Variants in HIKESHI observed in about 807,000 individuals in gnomAD.
HIKESHI encodes the protein protein Hikeshi.
A neutral mutation model predicts 25.7 loss-of-function variants in HIKESHI; 13 were observed. The ratio of observed to expected loss-of-function variants is 0.51; its 90% CI spans 0.33 to 0.80. The LOEUF (loss-of-function observed/expected upper bound fraction) is 0.80. HIKESHI is among the 30% of genes least tolerant of loss of function. The probability of loss-of-function intolerance (pLI) is 0.02; values close to 1 mark genes in which losing one functional copy is unlikely to be tolerated. For synonymous variants in HIKESHI, 76 were observed against 78.7 expected (o/e 0.97, Z 0.18); for missense variants, 174 against 229.5 (o/e 0.76, Z 1.56).
At chr11:86,335,963 C>CTTTAA (rs1947547082) in intron 2 of HIKESHI, among the ~76,000 whole-genome samples, 1 of 152,156 alleles carries the variant, frequency 6.6e-6, no homozygotes, top group Admixed American at 6.5e-5. Context: ...CAGGCAAAGA[C>CTTTAA]TTTAAGTAAG....
At chr11:86,345,299 CT>C (rs1259196510) in intron 4 of HIKESHI, 1 of 343,606 alleles carries the variant, frequency 2.9e-6, no homozygotes, top group African/African-American at 2.2e-5. Context: ...GATTTTTTTC[CT>C]TAGGTCCCTT....
At chr11:86,319,242 A>ATATATATATTT (rs1383589741) in intron 2 of HIKESHI, among the ~76,000 whole-genome samples, 5 of 94,946 alleles carry the variant, frequency 5.3e-5, no homozygotes, top group East Asian at 3.5e-4. Context: ...ATATATATAT[A>ATATATATATTT]TTTTTTTTTT....
At chr11:86,326,646 G>A (rs1010680915) in intron 2 of HIKESHI, 3 of 427,348 alleles carry the variant, frequency 7.0e-6, no homozygotes, top group African/African-American at 4.1e-5. Context: ...CTCTATGGAA[G>A]ATTAGACTGG....
chr11:86,328,929 C>T (rs2513199), intron 2 of HIKESHI, among the ~76,000 whole-genome samples: 51 of 103,988 alleles, frequency 4.9e-4, no homozygotes, highest in East Asian at 2.1e-3. Flanking sequence ...TGTGTGTGTG[C>T]GCGCACACAC....
intron 2 of HIKESHI, among the ~76,000 whole-genome samples, chr11:86,312,254 T>A (rs554838867): frequency 1.3e-5 from 2 of 152,332 alleles, no homozygotes; most frequent in East Asian, 3.9e-4. Flanking sequence ...CTGTATTGGG[T>A]GCATATATAT....
chr11:86,329,574 C>CTTTTTTT (rs71040232), intron 2 of HIKESHI, among the ~76,000 whole-genome samples: 4 of 143,868 alleles, frequency 2.8e-5, no homozygotes, highest in Non-Finnish European at 3.1e-5. Context: ...CCTGTGATTT[C>CTTTTTTT]TTTTTTTTTT....
chr11:86,302,659 C>G (rs1253881321), intron 1 of HIKESHI, among the ~76,000 whole-genome samples, 181 bp downstream of exon 1: 2 of 152,222 alleles, frequency 1.3e-5, no homozygotes, highest in Admixed American at 1.3e-4. Context: ...TATTCAGATT[C>G]TTTCGAATAG....
At chr11:86,307,361 G>T (rs1329887036) in intron 2 of HIKESHI, among the ~76,000 whole-genome samples, 1 of 85,106 alleles carries the variant, frequency 1.2e-5, no homozygotes, top group Non-Finnish European at 2.2e-5. Flanking sequence ...TATATATTAT[G>T]TGTAATATAC....
intron 1 of HIKESHI, among the ~76,000 whole-genome samples, chr11:86,305,091 C>T (rs549862369): frequency 6.6e-6 from 1 of 152,314 alleles, no homozygotes; most frequent in East Asian, 1.9e-4. Flanking sequence ...CCTTGACATC[C>T]TGGGTTCAAG....
intron 2 of HIKESHI, 84 bp from the exon 3 acceptor site, chr11:86,337,295 T>G (rs957642699): frequency 3.8e-6 from 5 of 1,319,210 alleles, no homozygotes; most frequent in Non-Finnish European, 5.2e-6. Context: ...GTATATAAAT[T>G]AGAGGTTCTT....
chr11:86,322,419 G>A (rs1947173019), intron 2 of HIKESHI, among the ~76,000 whole-genome samples: 1 of 151,978 alleles, frequency 6.6e-6, no homozygotes, highest in Non-Finnish European at 1.5e-5. Flanking sequence ...GTGTGTGTAT[G>A]TATATATATG....
chr11:86,306,031 C>A (rs142868599), intron 1 of HIKESHI, among the ~76,000 whole-genome samples: 3 of 152,216 alleles, frequency 2.0e-5, no homozygotes, highest in African/African-American at 7.2e-5. Context: ...AGGTGTGAGC[C>A]GCTGTGATCT....
intron 2 of HIKESHI, among the ~76,000 whole-genome samples, chr11:86,320,126 A>T (rs1376307077): frequency 6.6e-6 from 1 of 152,208 alleles, no homozygotes; most frequent in Non-Finnish European, 1.5e-5. Flanking sequence ...CAATTTTTTT[A>T]AAGAATTATG....
chr11:86,307,382 A>AAAC (rs36133756), intron 2 of HIKESHI, among the ~76,000 whole-genome samples: 5 of 38,042 alleles, frequency 1.3e-4, no homozygotes, highest in African/African-American at 4.3e-4. Flanking sequence ...ATTATATATC[A>AAAC]ATATATTATG....
chr11:86,302,558 G>T (rs1946524550), intron 1 of HIKESHI, 80 bp downstream of exon 1: 1 of 1,487,692 alleles, frequency 6.7e-7, no homozygotes, highest in Admixed American at 2.1e-5. Context: ...GTGCGCAGGC[G>T]CTAGGGATGC....
rs927867264 is a variant in HIKESHI, at chr11:86,339,541, C to A, written c.420+2011C>A. ...AGAAATTAAGGCATTATAGATATAG[C>A]CCACTGCTGCCTGCTTCTCTTCCTG... On this transcript the variant is annotated intron_variant, in intron 3 of 4. Transcript: ENST00000278483. Among the ~76,000 whole-genome samples the A allele has an allele frequency of 2.0e-5, 3 of 152,322 alleles. No homozygotes were observed. The East Asian group carries it at 5.8e-4, about 29-fold the overall frequency.
rs1947728571 is a variant in HIKESHI, at chr11:86,341,478, T to C, written c.421-3125T>C. Among the ~76,000 whole-genome samples the C allele has an allele frequency of 2.0e-5, 3 of 149,006 alleles. No individual in the cohort carries two copies. In the Admixed American group the frequency reaches 2.1e-4, roughly 10 times the overall value. On this transcript the variant is annotated intron_variant, in intron 3 of 4. Coordinates refer to ENST00000278483, the MANE Select transcript of HIKESHI (RefSeq NM_016401.4). ...AAATTGGTCTCGGAAACATTCCACTTGGAATTCTCCTTTTTTTTTTTTTTC... is the reference window on the plus strand; with the variant it reads ...AAATTGGTCTCGGAAACATTCCACTCGGAATTCTCCTTTTTTTTTTTTTTC...
At chr11:86,344,889 T>G (rs1947832315) in intron 4 of HIKESHI, 168 bp downstream of exon 4, 1 of 507,364 alleles carries the variant, frequency 2.0e-6, no homozygotes, top group African/African-American at 2.0e-5. Context: ...AAACAGTTCT[T>G]ACCCTAAATA....
chr11:86,326,487 G>C lies in HIKESHI; in HGVS notation c.269-10892G>C, dbSNP rs1279632292. On this transcript the variant is annotated intron_variant, in intron 2 of 4. Coordinates refer to ENST00000278483, the MANE Select transcript of HIKESHI (RefSeq NM_016401.4). ...AAAAATTTTCTGTTTATGTAGTGAA[G>C]ACTTTGTTGTGTTCTCATTCATCAG... is the stretch of plus-strand genomic sequence containing the variant. 10 of 455,780 alleles carry C rather than the reference G, an allele frequency of 2.2e-5. No individual in the cohort carries two copies. The Admixed American group carries it at 2.3e-4, about 11-fold the overall frequency. 28.2% of individuals were successfully genotyped at this position (455,780 alleles called of 1,614,324 possible).
Sources: gnomAD v4.1 joint callset for allele counts (sites outside exome capture counted in the v4.1 genomes callset) on GRCh38, gnomAD v4.1.1 for gene constraint, MANE v1.5 for transcripts, NCBI Gene and HGNC (gene_info 2026-07-23, HGNC 2026-07-21) for gene names.